Variants in ZNF292 observed in about 807,000 individuals in gnomAD.
The protein encoded by ZNF292 is zinc finger protein 292.
A neutral mutation model predicts 217.9 loss-of-function variants in ZNF292; 26 were observed. The ratio of observed to expected loss-of-function variants is 0.12; its 90% CI spans 0.09 to 0.17. The LOEUF is 0.17. Among genes scored for constraint, ZNF292 ranks in the 10% least tolerant of loss-of-function variants. The probability of loss-of-function intolerance (pLI) is 1.00; values close to 1 mark genes in which losing one functional copy is unlikely to be tolerated. For synonymous variants in ZNF292, 1,257 were observed against 1,124.1 expected (o/e 1.12, Z -2.37); for missense variants, 2,904 against 3,175.2 (o/e 0.91, Z 2.05).
chr6:87,230,414 G>A (rs1480407483), intron 4 of ZNF292, among the ~76,000 whole-genome samples: 1 of 152,030 alleles, frequency 6.6e-6, no homozygotes, highest in Non-Finnish European at 1.5e-5. Context: ...TTTAATGTAG[G>A]AATTAGTGGT....
intron 1 of ZNF292, among the ~76,000 whole-genome samples, chr6:87,202,729 A>G (rs1016913165): frequency 6.6e-6 from 1 of 152,062 alleles, no homozygotes; most frequent in Non-Finnish European, 1.5e-5. Context: ...TTTGATTACA[A>G]TATTTCCCCT....
At position 87,245,560 on chromosome 6, in the gene ZNF292, G is replaced by A. The variant is rs1034996560; in HGVS notation, c.936G>A (p.Val312=). 1 of 1,566,320 alleles carries A rather than the reference G, an allele frequency of 6.4e-7. No homozygotes were observed. ...LQQRVEPSIQ[V]YLERCRQLSL... ...AAAGAGTAGAACCATCTATACAAGT[G>A]TACCTTGAGAGGTGTCGTCAACTTT... Residue 312 remains valine (V), a synonymous_variant, in exon 7 of 8, where the codon GTG becomes GTA. Coordinates refer to ENST00000369577, the MANE Select transcript of ZNF292 (RefSeq NM_015021.3).
chr6:87,251,484 C>G (rs1035570658), intron 7 of ZNF292, among the ~76,000 whole-genome samples: 3 of 152,176 alleles, frequency 2.0e-5, no homozygotes, highest in African/African-American at 7.2e-5. Flanking sequence ...CCAGAACTTA[C>G]CTGGTGCTGT....
At chr6:87,182,103 A>G (rs1216846337) in intron 1 of ZNF292, among the ~76,000 whole-genome samples, 1 of 152,176 alleles carries the variant, frequency 6.6e-6, no homozygotes, top group Non-Finnish European at 1.5e-5. Flanking sequence ...TACAGGGCAT[A>G]TTTGGGTCAC....
chr6:87,187,074 T>C (rs1771685353), intron 1 of ZNF292, among the ~76,000 whole-genome samples: 1 of 152,156 alleles, frequency 6.6e-6, no homozygotes, highest in South Asian at 2.1e-4. Flanking sequence ...TAAATTAATT[T>C]TTTCCTCACT....
In ZNF292 at chr6:87,155,669, C is replaced by T. The variant is rs1350541377; in HGVS notation, c.78C>T (p.Gly26=). The T allele has an allele frequency of 1.9e-6, 3 of 1,585,868 alleles. No individual in the cohort carries two copies. The highest frequency in any genetic ancestry group is 2.6e-6 in the Non-Finnish European group (3 of 1,167,974). ...GCGTCGCGGAGCTGCAGCGCCTGGG[C>T]GAGCGGCTCCAGGAGCTGGAGCTAC... ...GGCVAELQRL[G]ERLQELELQL... The change falls in exon 1 of 8, where the codon GGC becomes GGT. Residue 26 remains glycine (G), a synonymous_variant. Coordinates refer to ENST00000369577, the MANE Select transcript of ZNF292 (RefSeq NM_015021.3).
chr6:87,185,783 CTTTTTAT>C (rs1057280275), intron 1 of ZNF292, among the ~76,000 whole-genome samples: 4 of 152,006 alleles, frequency 2.6e-5, no homozygotes, highest in Admixed American at 6.6e-5. Context: ...ATTTTTCTTA[CTTTTTAT>C]TTTTTATTTT....
At chr6:87,170,717 T>G (rs1771070941) in intron 1 of ZNF292, among the ~76,000 whole-genome samples, 1 of 152,220 alleles carries the variant, frequency 6.6e-6, no homozygotes, top group Non-Finnish European at 1.5e-5. Flanking sequence ...CATCCTAGAT[T>G]TTGTCTTTCA....
chr6:87,209,368 G>C (rs1388219009), intron 1 of ZNF292, among the ~76,000 whole-genome samples: 4 of 152,156 alleles, frequency 2.6e-5, no homozygotes, highest in Non-Finnish European at 5.9e-5. Context: ...GTTTCAGTGA[G>C]GTTTGGGGAG....
intron 1 of ZNF292, among the ~76,000 whole-genome samples, chr6:87,156,179 G>A (rs547127150): frequency 6.6e-6 from 1 of 152,296 alleles, no homozygotes; most frequent in African/African-American, 2.4e-5. Context: ...ACGGGCCTCC[G>A]CCCCCACTGG....
intron 1 of ZNF292, among the ~76,000 whole-genome samples, chr6:87,177,483 T>C (rs541927504): frequency 5.9e-5 from 9 of 152,366 alleles, no homozygotes; most frequent in Non-Finnish European, 1.2e-4. Flanking sequence ...TACATAGTTT[T>C]CTTGCCATAG....
At chr6:87,170,481 T>C (rs554732686) in intron 1 of ZNF292, 1 of 152,356 alleles carries the variant, frequency 6.6e-6, no homozygotes, top group South Asian at 2.1e-4. Context: ...AAGTTGAATA[T>C]GTTGGCAATA....
chr6:87,227,450 C>A lies in ZNF292; in HGVS notation c.539-5875C>A, dbSNP rs865969552. On this transcript the variant is annotated intron_variant, in intron 4 of 7. Transcript: ENST00000369577. ...TATTTTTAATTGTGGTAAAAAAAAACCACACACACAAGATAAAATGTACCG... is the reference window on the plus strand; with the variant it reads ...TATTTTTAATTGTGGTAAAAAAAAAACACACACACAAGATAAAATGTACCG... Among the ~76,000 whole-genome samples, 19 of 150,850 alleles carry A rather than the reference C, an allele frequency of 1.3e-4. No homozygotes were observed. The South Asian group carries it at 2.7e-3, about 22-fold the overall frequency.
rs542845923 is a variant in ZNF292, at chr6:87,170,452, G to A, written c.168+14693G>A. On this transcript the variant is annotated intron_variant, in intron 1 of 7. Transcript: ENST00000369577. ...ATAAAACTGCTTCTTTAGTAATTAA[G>A]AATTAACCCTAGTAAGTGAAGTTGA... 3.3e-5 allele frequency: 5 copies of A among 152,260 alleles called. No individual in the cohort carries two copies. The South Asian group carries it at 8.3e-4, about 25-fold the overall frequency. The allele number at this position is 152,260 out of a possible 1,614,324, so 9.4% of individuals were successfully genotyped here.
intron 1 of ZNF292, among the ~76,000 whole-genome samples, chr6:87,170,561 A>C (rs1427945908): frequency 1.3e-5 from 2 of 152,212 alleles, no homozygotes; most frequent in East Asian, 3.8e-4. Flanking sequence ...TGATACTGCA[A>C]ATTCTGCCTA....
At chr6:87,226,855 T>G (rs1773380833) in intron 4 of ZNF292, among the ~76,000 whole-genome samples, 3 of 151,754 alleles carry the variant, frequency 2.0e-5, no homozygotes, top group Admixed American at 2.0e-4. Context: ...ATTTTTTATA[T>G]TTTTAGTGGA....
chr6:87,239,953 G>A (rs1307202202), intron 5 of ZNF292, among the ~76,000 whole-genome samples: 5 of 151,942 alleles, frequency 3.3e-5, no homozygotes, highest in African/African-American at 7.3e-5. Context: ...ACGGGGTGGC[G>A]GCCGGGCAGA....
chr6:87,214,718 G>A (rs1459410668), intron 1 of ZNF292, among the ~76,000 whole-genome samples: 1 of 152,142 alleles, frequency 6.6e-6, no homozygotes, highest in East Asian at 1.9e-4. Flanking sequence ...GAAAGGATTA[G>A]TTGAGAGCCA....
Position 87,243,546 on chromosome 6 carries a change from C to A in ZNF292, c.813C>A (p.Ser271Arg). 1 of 1,559,130 alleles carries A rather than the reference C, an allele frequency of 6.4e-7. No individual in the cohort carries two copies. The highest frequency in any genetic ancestry group is 2.4e-5 in the East Asian group (1 of 42,330). ...CNLESEGDEK[S>R]ALVLCTAFLS... is the part of the protein sequence containing the mutation. ...TAGAATCTGAGGGTGATGAAAAAAG[C>A]GCTCTTGTTTTATGTACTGCGTTTT... Residue 271 changes from serine (S) to arginine (R), a missense_variant, in exon 6 of 8, where the codon AGC becomes AGA. Coordinates refer to ENST00000369577, the MANE Select transcript of ZNF292 (RefSeq NM_015021.3).
Sources: allele counts gnomAD v4.1 joint callset (sites outside exome capture counted in the v4.1 genomes callset), GRCh38; gene constraint gnomAD v4.1.1; transcripts MANE v1.5; gene names NCBI Gene and HGNC (gene_info 2026-07-23, HGNC 2026-07-21).